Variants in CNTN5 observed in about 807,000 individuals in gnomAD.
The protein encoded by CNTN5 is contactin 5, also known as contactin-5.
Under a neutral mutation model 129.1 loss-of-function variants are expected in CNTN5, and 77 were observed. The ratio of observed to expected loss-of-function variants is 0.60; its 90% CI spans 0.50 to 0.72. The LOEUF (loss-of-function observed/expected upper bound fraction) is 0.72. Among genes scored for constraint, CNTN5 ranks in the 30% least tolerant of loss-of-function variants. The pLI is 0.00. For missense variants in CNTN5, 1,478 were observed against 1,328.8 expected, an observed-to-expected ratio of 1.11 and a Z score of -1.75; for synonymous variants, 509 against 465.6, an observed-to-expected ratio of 1.09 and a Z score of -1.20.
chr11:99,849,240 T>C (rs1947798265), intron 6 of CNTN5, among the ~76,000 whole-genome samples: 1 of 151,622 alleles, frequency 6.6e-6, no homozygotes, highest in Non-Finnish European at 1.5e-5. Flanking sequence ...AATGTAAAGA[T>C]ATATCATCGA....
intron 13 of CNTN5, among the ~76,000 whole-genome samples, chr11:100,126,437 A>G (rs571359486): frequency 3.3e-5 from 5 of 152,024 alleles, no homozygotes; most frequent in African/African-American, 1.2e-4. Flanking sequence ...GTAGGTCTAG[A>G]AGTACTTGTT....
chr11:99,570,751 C>T (rs1949150390), intron 3 of CNTN5, among the ~76,000 whole-genome samples: 1 of 152,006 alleles, frequency 6.6e-6, no homozygotes, highest in South Asian at 2.1e-4. Flanking sequence ...GAATAATTCC[C>T]ATAAAGAAAT....
chr11:99,202,827 A>G (rs2135636194), intron 1 of CNTN5, among the ~76,000 whole-genome samples: 1 of 151,656 alleles, frequency 6.6e-6, no homozygotes, highest in South Asian at 2.1e-4. Context: ...GCCATTGAAT[A>G]CTTCTAGGTA....
intron 3 of CNTN5, among the ~76,000 whole-genome samples, chr11:99,635,914 A>C (rs1362168448): frequency 6.6e-6 from 1 of 152,180 alleles, no homozygotes; most frequent in East Asian, 1.9e-4. Flanking sequence ...CTCTGAAGCA[A>C]GAAAAAGCTT....
intron 1 of CNTN5, among the ~76,000 whole-genome samples, chr11:99,205,889 C>A (rs558182480): frequency 9.3e-4 from 141 of 152,222 alleles, no homozygotes; most frequent in Non-Finnish European, 1.5e-3. Context: ...CTTGGCCCTT[C>A]TGAAAACATC....
At chr11:99,455,529 A>G (rs1363085088) in intron 2 of CNTN5, among the ~76,000 whole-genome samples, 1 of 152,148 alleles carries the variant, frequency 6.6e-6, no homozygotes, top group African/African-American at 2.4e-5. Flanking sequence ...TAATCAGAAG[A>G]GTATGCTGTT....
intron 7 of CNTN5, among the ~76,000 whole-genome samples, chr11:99,930,622 T>G (rs1950168708): frequency 1.3e-5 from 2 of 152,244 alleles, no homozygotes; most frequent in South Asian, 4.1e-4. Context: ...CTAAAAATGT[T>G]TATTTTGTGT....
chr11:99,123,654 GT>G (rs35040329), intron 1 of CNTN5, among the ~76,000 whole-genome samples: 35,529 of 140,970 alleles, frequency 0.25, 4,563 homozygotes, highest in Middle Eastern at 0.31. Context: ...ATCTTCCAGG[GT>G]TTTTTTTTTT....
intron 4 of CNTN5, among the ~76,000 whole-genome samples, chr11:99,842,834 TCTTTTC>T (rs1452607959): frequency 6.6e-6 from 1 of 152,222 alleles, no homozygotes; most frequent in Non-Finnish European, 1.5e-5. Context: ...CATTTATTTT[TCTTTTC>T]CTTATTGAAT....
At chr11:99,970,128 T>A (rs1223125843) in intron 8 of CNTN5, among the ~76,000 whole-genome samples, 1 of 152,166 alleles carries the variant, frequency 6.6e-6, no homozygotes, top group Non-Finnish European at 1.5e-5. Context: ...TGCAATGTCA[T>A]TCTTAGCCAT....
intron 2 of CNTN5, among the ~76,000 whole-genome samples, chr11:99,351,467 C>A (rs1396043086): frequency 1.3e-5 from 2 of 152,314 alleles, no homozygotes; most frequent in South Asian, 2.1e-4. Context: ...CAAATTCCTC[C>A]TTCTATGCTT....
chr11:99,446,095 A>C (rs1421349915), intron 2 of CNTN5, among the ~76,000 whole-genome samples: 1 of 149,448 alleles, frequency 6.7e-6, no homozygotes, highest in African/African-American at 2.4e-5. Flanking sequence ...TAAAAAAAAA[A>C]AAAAAACAAC....
intron 3 of CNTN5, among the ~76,000 whole-genome samples, chr11:99,593,703 A>G (rs1950044371): frequency 6.6e-6 from 1 of 152,214 alleles, no homozygotes; most frequent in African/African-American, 2.4e-5. Flanking sequence ...CCATCAACAA[A>G]ATCCCACCAT....
intron 2 of CNTN5, among the ~76,000 whole-genome samples, chr11:99,394,323 A>G (rs1299847918): frequency 1.3e-5 from 2 of 151,676 alleles, no homozygotes; most frequent in Non-Finnish European, 3.0e-5. Flanking sequence ...TGATTTTATT[A>G]TAAAGATTTA....
intron 13 of CNTN5, among the ~76,000 whole-genome samples, chr11:100,162,198 A>C (rs904999667): frequency 6.6e-6 from 1 of 151,870 alleles, no homozygotes; most frequent in Admixed American, 6.6e-5. Flanking sequence ...TGTCATGAGC[A>C]TTAAATGAAC....
chr11:99,370,116 T>C (rs997895856), intron 2 of CNTN5, among the ~76,000 whole-genome samples: 4 of 152,158 alleles, frequency 2.6e-5, no homozygotes, highest in African/African-American at 9.6e-5. Flanking sequence ...ATAAAAACTA[T>C]ATTTTAGATT....
chr11:100,092,652 A>G (rs1565232647), intron 13 of CNTN5, among the ~76,000 whole-genome samples: 2 of 152,168 alleles, frequency 1.3e-5, no homozygotes, highest in Admixed American at 6.5e-5. Flanking sequence ...TAGAGGTGGC[A>G]CACCACATTA....
At chr11:99,482,950 T>G (rs1221935569) in intron 2 of CNTN5, among the ~76,000 whole-genome samples, 1 of 151,492 alleles carries the variant, frequency 6.6e-6, no homozygotes, top group Non-Finnish European at 1.5e-5. Flanking sequence ...CTGAGGCGGG[T>G]GGATCACTAG....
At chr11:100,239,550 C>A (rs1949692826) in intron 16 of CNTN5, among the ~76,000 whole-genome samples, 1 of 152,082 alleles carries the variant, frequency 6.6e-6, no homozygotes, top group Non-Finnish European at 1.5e-5. Context: ...GCCATACCTT[C>A]AGTTGACAGT....
Sources: allele counts gnomAD v4.1 joint callset (sites outside exome capture counted in the v4.1 genomes callset), GRCh38; gene constraint gnomAD v4.1.1; transcripts MANE v1.5; gene names NCBI Gene and HGNC (gene_info 2026-07-23, HGNC 2026-07-21).